The following MEF2A variants were observed in gnomAD, a reference collection of about 807,000 sequenced individuals.
MEF2A encodes the protein myocyte enhancer factor 2A, also known as myocyte-specific enhancer factor 2A.
MEF2A carries 28 observed loss-of-function variants against 55.8 expected under a neutral mutation model. The observed-to-expected ratio is 0.50, with a 90% CI of 0.37 to 0.69. The LOEUF (loss-of-function observed/expected upper bound fraction) is 0.69. Ranked by LOEUF, MEF2A falls within the 30% of genes least tolerant of loss-of-function variation. The pLI is 0.00. For synonymous variants in MEF2A, 239 were observed against 227.1 expected (o/e 1.05, Z -0.47); for missense variants, 528 against 626.2 (o/e 0.84, Z 1.67).
At chr15:99,615,113 G>C (rs1367569085) in intron 2 of MEF2A, among the ~76,000 whole-genome samples, 1 of 152,198 alleles carries the variant, frequency 6.6e-6, no homozygotes, top group Admixed American at 6.5e-5. Flanking sequence ...GGGTAAAGGT[G>C]AACAGTGGCT....
intron 4 of MEF2A, among the ~76,000 whole-genome samples, chr15:99,657,779 G>C (rs1297360063): frequency 6.6e-6 from 1 of 152,020 alleles, no homozygotes; most frequent in Non-Finnish European, 1.5e-5. Flanking sequence ...TGCTCCCAAA[G>C]GATTCCAAGG....
intron 8 of MEF2A, among the ~76,000 whole-genome samples, chr15:99,698,662 C>T (rs573929954): frequency 3.6e-4 from 55 of 152,026 alleles, no homozygotes; most frequent in Admixed American, 1.1e-3. Flanking sequence ...GGTGGTGGCG[C>T]ATGCCTGTAA....
At chr15:99,648,854 C>G (rs1040639184) in intron 4 of MEF2A, among the ~76,000 whole-genome samples, 1 of 151,930 alleles carries the variant, frequency 6.6e-6, no homozygotes. Context: ...ACAGGACGCA[C>G]GTGTATTAGG....
chr15:99,623,105 A>G (rs2041502681), intron 2 of MEF2A, among the ~76,000 whole-genome samples: 1 of 152,036 alleles, frequency 6.6e-6, no homozygotes, highest in Non-Finnish European at 1.5e-5. Context: ...ATTCTACTCT[A>G]TGTCTCTGAA....
intron 2 of MEF2A, among the ~76,000 whole-genome samples, chr15:99,632,672 G>A (rs889979126): frequency 2.0e-5 from 3 of 152,162 alleles, no homozygotes; most frequent in East Asian, 1.9e-4. Context: ...CCATGCTTAG[G>A]AAAATGTCTA....
intron 3 of MEF2A, among the ~76,000 whole-genome samples, chr15:99,634,940 CA>C: frequency 6.6e-6 from 1 of 152,262 alleles, no homozygotes; most frequent in African/African-American, 2.4e-5. Flanking sequence ...CAATTTGTCA[CA>C]AACTAAAAGA....
At chr15:99,679,593 G>T (rs1017631989) in intron 7 of MEF2A, among the ~76,000 whole-genome samples, 5 of 152,186 alleles carry the variant, frequency 3.3e-5, no homozygotes, top group Admixed American at 2.0e-4. Context: ...CACAATAGTG[G>T]TTACTTTGGG....
chr15:99,571,444 T>C (rs1454115769), intron 1 of MEF2A, among the ~76,000 whole-genome samples: 1 of 152,222 alleles, frequency 6.6e-6, no homozygotes, highest in Admixed American at 6.5e-5. Flanking sequence ...TTACTATCGT[T>C]ACTACTACTG....
At chr15:99,675,172 G>A (rs1379716772) in intron 6 of MEF2A, among the ~76,000 whole-genome samples, 1 of 152,034 alleles carries the variant, frequency 6.6e-6, no homozygotes, top group Non-Finnish European at 1.5e-5. Context: ...ACCACTATTT[G>A]GTATTGAAGG....
At chr15:99,590,341 C>T (rs994570022) in intron 1 of MEF2A, among the ~76,000 whole-genome samples, 1 of 140,768 alleles carries the variant, frequency 7.1e-6, no homozygotes, top group African/African-American at 2.5e-5. Context: ...TTTATGTTTC[C>T]TATCTGTGTT....
At chr15:99,617,275 TGTA>T (rs2040363975) in intron 2 of MEF2A, among the ~76,000 whole-genome samples, 1 of 147,394 alleles carries the variant, frequency 6.8e-6, no homozygotes. Context: ...TTTTTTTTTT[TGTA>T]TGGTCTGTAT....
chr15:99,618,788 T>G (rs890786202), intron 2 of MEF2A, among the ~76,000 whole-genome samples: 4 of 152,260 alleles, frequency 2.6e-5, no homozygotes, highest in African/African-American at 9.6e-5. Flanking sequence ...CTCTATACTG[T>G]TCTTGTAACT....
intron 1 of MEF2A, among the ~76,000 whole-genome samples, chr15:99,593,658 A>C (rs1456050143): frequency 6.6e-6 from 1 of 152,212 alleles, no homozygotes; most frequent in African/African-American, 2.4e-5. Context: ...CATTATGCTC[A>C]GTACAGAAGC....
chr15:99,681,365 T>C (rs562817175), intron 7 of MEF2A, among the ~76,000 whole-genome samples: 1 of 152,272 alleles, frequency 6.6e-6, no homozygotes, highest in East Asian at 1.9e-4. Context: ...ACAGCAGTAG[T>C]TGAAGTCTTT....
chr15:99,710,573 A>G (rs567713079), intron 10 of MEF2A, 61 bp from the exon 11 acceptor site: 2 of 1,571,070 alleles, frequency 1.3e-6, no homozygotes, highest in East Asian at 4.6e-5. Context: ...GTAGCTACGT[A>G]AAAAATAGAT....
At chr15:99,672,498 C>T (rs2051085913) in intron 5 of MEF2A, among the ~76,000 whole-genome samples, 1 of 152,198 alleles carries the variant, frequency 6.6e-6, no homozygotes, top group Non-Finnish European at 1.5e-5. Context: ...TTTCCTAATT[C>T]TGTATATGTA....
chr15:99,705,367 G>A lies in MEF2A; in HGVS notation c.883-1362G>A, dbSNP rs912775627. Among the ~76,000 whole-genome samples, 40 of 152,200 alleles carry A rather than the reference G, an allele frequency of 2.6e-4. 1 individual carries two copies. Among genetic ancestry groups the A allele is most frequent in the Non-Finnish European group, 5.9e-5 (4 of 68,032 alleles). ...ACAATAAGGATATTATCTTATATTT[G>A]TGTAGTACTTCAGTTATGAAAGCAC... is the stretch of plus-strand genomic sequence containing the variant. On this transcript the variant is annotated intron_variant, in intron 9 of 11. Coordinates refer to ENST00000557942, the MANE Select transcript of MEF2A (RefSeq NM_001319206.4).
In MEF2A at chr15:99,641,636, C is replaced by G. The variant is rs558179218; in HGVS notation, c.55-3925C>G. On this transcript the variant is annotated intron_variant, in intron 3 of 11. Transcript: ENST00000557942. ...TACTCGGGAGGCTGAGGCAGGAGAA[C>G]GGCATGAACTCGGGAGGCGGAGCTT... 6.5e-3 allele frequency among the ~76,000 whole-genome samples: 989 copies of G among 152,036 alleles called. 9 individuals carry two copies. The highest frequency in any genetic ancestry group is 0.023 in the African/African-American group (942 of 41,428).
intron 2 of MEF2A, among the ~76,000 whole-genome samples, chr15:99,602,075 C>T (rs1399031844): frequency 6.6e-6 from 1 of 152,012 alleles, no homozygotes; most frequent in East Asian, 1.9e-4. Context: ...AGAAAGAATT[C>T]AACTGAGGGG....
Sources: allele counts gnomAD v4.1 joint callset (sites outside exome capture counted in the v4.1 genomes callset), GRCh38; gene constraint gnomAD v4.1.1; transcripts MANE v1.5; gene names NCBI Gene and HGNC (gene_info 2026-07-23, HGNC 2026-07-21).